Variants in SNTB1 observed in about 807,000 individuals in gnomAD.
SNTB1 encodes beta-1-syntrophin.
Under a neutral mutation model 48.9 loss-of-function variants are expected in SNTB1, and 36 were observed. That is an observed-to-expected ratio of 0.74 (90% CI 0.56 to 0.97). The LOEUF is 0.97. Among genes scored for constraint, SNTB1 ranks in the 50% least tolerant of loss-of-function variants. SNTB1 has a pLI of 0.00. For missense variants in SNTB1, 786 were observed against 703.4 expected (o/e 1.12, Z -1.33); for synonymous variants, 299 against 294.6 (o/e 1.01, Z -0.15).
chr8:120,757,763 C>T (rs1819342392), intron 1 of SNTB1, among the ~76,000 whole-genome samples: 1 of 152,168 alleles, frequency 6.6e-6, no homozygotes, highest in African/African-American at 2.4e-5. Flanking sequence ...GGTATAGACA[C>T]TGGATTAAAG....
chr8:120,653,336 G>T (rs181737042), intron 2 of SNTB1, among the ~76,000 whole-genome samples: 288 of 152,274 alleles, frequency 1.9e-3, no homozygotes, highest in Admixed American at 3.8e-3. Flanking sequence ...AAAAGAAGGT[G>T]ATGTGAAGGT....
At chr8:120,802,563 C>T (rs777990059) in intron 1 of SNTB1, among the ~76,000 whole-genome samples, 14 of 152,122 alleles carry the variant, frequency 9.2e-5, no homozygotes, top group East Asian at 1.9e-4. Context: ...CAAACAACCT[C>T]GCCTTGGTCA....
chr8:120,756,715 C>T (rs1020416482), intron 1 of SNTB1, among the ~76,000 whole-genome samples: 20 of 152,130 alleles, frequency 1.3e-4, no homozygotes, highest in African/African-American at 4.3e-4. Flanking sequence ...ATGGAATTAA[C>T]GTTCTAATTC....
chr8:120,620,003 G>A (rs1448415246), intron 3 of SNTB1, among the ~76,000 whole-genome samples: 1 of 152,172 alleles, frequency 6.6e-6, no homozygotes, highest in East Asian at 1.9e-4. Context: ...CAGTAGTTCT[G>A]AGCCATTTGG....
rs1203256621 is a variant in SNTB1, at chr8:120,811,938, G to A, written c.-95C>T. 6 of 1,278,052 alleles carry A rather than the reference G, an allele frequency of 4.7e-6. No individual in the cohort carries two copies. Among genetic ancestry groups the A allele is most frequent in the Non-Finnish European group, 5.9e-6 (6 of 1,016,952 alleles). The allele number at this position is 1,278,052 out of a possible 1,614,324, so 79.2% of individuals were successfully genotyped here. A position where few individuals can be genotyped will look rare whatever the true frequency, so the allele number is the denominator to read the frequency against. ...AGGACGCGGGGCCCGGGGGAGCGAGGAGAGTGCGTCCCGCGGGGAGGTGGC... is the reference window on the plus strand; with the variant it reads ...AGGACGCGGGGCCCGGGGGAGCGAGAAGAGTGCGTCCCGCGGGGAGGTGGC... On this transcript the variant is annotated 5_prime_UTR_variant, in exon 1 of 7. Coordinates refer to ENST00000517992, the MANE Select transcript of SNTB1 (RefSeq NM_021021.4).
At chr8:120,550,217 T>C (rs1224412494) in intron 4 of SNTB1, among the ~76,000 whole-genome samples, 1 of 152,076 alleles carries the variant, frequency 6.6e-6, no homozygotes, top group Non-Finnish European at 1.5e-5. Flanking sequence ...AAAAAGTGTA[T>C]TTGAAAAGCC....
In SNTB1 at chr8:120,618,495, T is replaced by C. The variant is rs191278133; in HGVS notation, c.996+13949A>G. On this transcript the variant is annotated intron_variant, in intron 3 of 6. Coordinates refer to ENST00000517992, the MANE Select transcript of SNTB1 (RefSeq NM_021021.4). ...CTTGTCTGACGTGTCACCATCATAG[T>C]CCCACTACTTTCACTTGCTTGGCAT... Among the ~76,000 whole-genome samples the C allele has an allele frequency of 8.5e-5, 13 of 152,332 alleles. No individual in the cohort carries two copies. The East Asian group carries it at 2.5e-3, about 29-fold the overall frequency.
At chr8:120,793,500 GC>G (rs2130160313) in intron 1 of SNTB1, among the ~76,000 whole-genome samples, 1 of 152,158 alleles carries the variant, frequency 6.6e-6, no homozygotes, top group African/African-American at 2.4e-5. Context: ...GACACAGGCT[GC>G]CCGTGAAGAA....
At chr8:120,577,612 T>C (rs1360610561) in intron 3 of SNTB1, among the ~76,000 whole-genome samples, 1 of 152,226 alleles carries the variant, frequency 6.6e-6, no homozygotes, top group Non-Finnish European at 1.5e-5. Context: ...CCAAAGTGAC[T>C]AGCTTACTTA....
intron 2 of SNTB1, among the ~76,000 whole-genome samples, chr8:120,689,690 C>T (rs1162220375): frequency 6.6e-6 from 1 of 152,014 alleles, no homozygotes; most frequent in Admixed American, 6.6e-5. Context: ...GCAACAATGT[C>T]AGTTTATAGT....
intron 4 of SNTB1, among the ~76,000 whole-genome samples, chr8:120,556,500 C>A (rs1226082517): frequency 6.6e-6 from 1 of 152,192 alleles, no homozygotes; most frequent in East Asian, 1.9e-4. Context: ...TTCTTTATAT[C>A]ATTCCCAATG....
chr8:120,543,073 G>A (rs535366269), intron 5 of SNTB1, among the ~76,000 whole-genome samples: 1 of 152,148 alleles, frequency 6.6e-6, no homozygotes, highest in South Asian at 2.1e-4. Context: ...CAGGTGCGGT[G>A]CCAGCTTTTA....
In SNTB1 at chr8:120,541,465, G is replaced by A. The variant is rs541407255; in HGVS notation, c.1524+345C>T. On this transcript the variant is annotated intron_variant, in intron 6 of 6. Transcript: ENST00000517992. ...TCTTTTACTTTGCTGCATCCCTAAC[G>A]TCTAGCACAATGCCAAGGTTATATG... is the stretch of plus-strand genomic sequence containing the variant. Among the ~76,000 whole-genome samples, 18 of 152,208 alleles carry A rather than the reference G, an allele frequency of 1.2e-4. No homozygotes were observed. The South Asian group carries it at 2.9e-3, about 25-fold the overall frequency.
rs915914886 is a variant in SNTB1 at position 120,771,531 on chromosome 8, C to T, written c.571+39742G>A. Among the ~76,000 whole-genome samples, 67 of 152,196 alleles carry T rather than the reference C, an allele frequency of 4.4e-4. 2 individuals are homozygous for T. The highest frequency in any genetic ancestry group is 4.3e-3 in the Admixed American group (65 of 15,282). On this transcript the variant is annotated intron_variant, in intron 1 of 6. Coordinates refer to ENST00000517992, the MANE Select transcript of SNTB1 (RefSeq NM_021021.4). ...AAGATTGTGAAATGCAAGTGTAGTA[C>T]GTTTACAGCTTTCTTCTAGTAGTCA...
At chr8:120,743,818 T>A (rs1819082232) in intron 1 of SNTB1, among the ~76,000 whole-genome samples, 1 of 152,148 alleles carries the variant, frequency 6.6e-6, no homozygotes, top group South Asian at 2.1e-4. Flanking sequence ...TACAATAAAA[T>A]GTCATTTCTT....
At chr8:120,539,624 G>A (rs1247238397) in intron 6 of SNTB1, among the ~76,000 whole-genome samples, 1 of 152,206 alleles carries the variant, frequency 6.6e-6, no homozygotes, top group Non-Finnish European at 1.5e-5. Flanking sequence ...AAGACTTACA[G>A]TCTGAGCAGG....
At position 120,811,930 on chromosome 8, in the gene SNTB1, G is replaced by A. The variant is rs1424106531; in HGVS notation, c.-87C>T. 7.8e-7 allele frequency: 1 copy of A among 1,280,550 alleles called. No homozygotes were observed. Among genetic ancestry groups the A allele is most frequent in the Non-Finnish European group, 9.8e-7 (1 of 1,018,208 alleles). The allele number at this position is 1,280,550 out of a possible 1,614,324, so 79.3% of individuals were successfully genotyped here. A position where few individuals can be genotyped will look rare whatever the true frequency, so the allele number is the denominator to read the frequency against. ...CCGGGGGGAGGACGCGGGGCCCGGG[G>A]GAGCGAGGAGAGTGCGTCCCGCGGG... On this transcript the variant is annotated 5_prime_UTR_variant, in exon 1 of 7. Coordinates refer to ENST00000517992, the MANE Select transcript of SNTB1 (RefSeq NM_021021.4).
chr8:120,694,247 T>A (rs1000443629), intron 1 of SNTB1, among the ~76,000 whole-genome samples: 4 of 152,280 alleles, frequency 2.6e-5, no homozygotes, highest in East Asian at 3.9e-4. Context: ...AAGTATAACT[T>A]AGGCTAAAAG....
chr8:120,724,470 C>T (rs1818720898), intron 1 of SNTB1, among the ~76,000 whole-genome samples: 1 of 152,170 alleles, frequency 6.6e-6, no homozygotes, highest in African/African-American at 2.4e-5. Context: ...TGCTTTCAAA[C>T]ACTGAAAGCT....
Sources: gnomAD v4.1 joint callset for allele counts (sites outside exome capture counted in the v4.1 genomes callset) on GRCh38, gnomAD v4.1.1 for gene constraint, MANE v1.5 for transcripts, NCBI Gene and HGNC (gene_info 2026-07-23, HGNC 2026-07-21) for gene names.